The following NFYB variants were observed in gnomAD, a reference collection of about 807,000 sequenced individuals.
NFYB encodes the protein CAAT box DNA-binding protein subunit B.
A neutral mutation model predicts 28.0 loss-of-function variants in NFYB; 13 were observed. That is an observed-to-expected ratio of 0.46 (90% CI 0.30 to 0.74). The LOEUF is 0.74. Among genes scored for constraint, NFYB ranks in the 30% least tolerant of loss-of-function variants. The pLI is 0.07. For synonymous variants in NFYB, 74 were observed against 75.0 expected, an observed-to-expected ratio of 0.99 and a Z score of 0.07; for missense variants, 142 against 247.6, an observed-to-expected ratio of 0.57 and a Z score of 2.86.
At chr12:104,131,518 G>A in intron 2 of NFYB, 1 of 279,246 alleles carries the variant, frequency 3.6e-6, no homozygotes, top group South Asian at 3.0e-5. Flanking sequence ...CAAATGTTCT[G>A]TTCTTTAAAG....
intron 1 of NFYB, among the ~76,000 whole-genome samples, chr12:104,136,368 A>AG (rs2031100070): frequency 6.6e-6 from 1 of 152,242 alleles, no homozygotes; most frequent in Non-Finnish European, 1.5e-5. Flanking sequence ...TACGCATCCA[A>AG]GCATGAAATC....
At chr12:104,121,522 CAG>C (rs1369361708) in intron 5 of NFYB, among the ~76,000 whole-genome samples, 3 of 152,240 alleles carry the variant, frequency 2.0e-5, no homozygotes, top group Non-Finnish European at 4.4e-5. Flanking sequence ...ATTAACAAGA[CAG>C]AGTTAGTAAT....
chr12:104,133,644 C>T (rs532123025), intron 2 of NFYB, among the ~76,000 whole-genome samples: 1 of 152,128 alleles, frequency 6.6e-6, no homozygotes, highest in Non-Finnish European at 1.5e-5. Flanking sequence ...CTTAGTATTG[C>T]CCCCTCAAAT....
At chr12:104,126,541 C>A (rs1722416056) in intron 3 of NFYB, among the ~76,000 whole-genome samples, 1 of 152,172 alleles carries the variant, frequency 6.6e-6, no homozygotes, top group South Asian at 2.1e-4. Flanking sequence ...CAAAAATGAT[C>A]TTTTCTTTCA....
chr12:104,129,837 G>C (rs992986564), intron 2 of NFYB, among the ~76,000 whole-genome samples: 1 of 152,224 alleles, frequency 6.6e-6, no homozygotes, highest in Non-Finnish European at 1.5e-5. Context: ...AGTGAGCTGT[G>C]ATCACACCAC....
chr12:104,129,153 C>T (rs1276495561), intron 2 of NFYB, among the ~76,000 whole-genome samples: 2 of 152,164 alleles, frequency 1.3e-5, no homozygotes, highest in Non-Finnish European at 2.9e-5. Context: ...GACTTACAAC[C>T]TAATTTATCC....
intron 3 of NFYB, among the ~76,000 whole-genome samples, chr12:104,127,480 A>G (rs1361927517): frequency 1.3e-5 from 2 of 151,666 alleles, no homozygotes; most frequent in African/African-American, 2.4e-5. Context: ...AGGCAGGAGA[A>G]TTGCTTGAAC....
chr12:104,121,636 C>T (rs2030481435), intron 5 of NFYB, among the ~76,000 whole-genome samples: 1 of 152,134 alleles, frequency 6.6e-6, no homozygotes, highest in Non-Finnish European at 1.5e-5. Flanking sequence ...CTGCAAAACA[C>T]CACCAATATT....
chr12:104,121,160 G>A, intron 6 of NFYB, 80 bp downstream of exon 6: 1 of 1,162,304 alleles, frequency 8.6e-7, no homozygotes, highest in Non-Finnish European at 1.3e-6. Flanking sequence ...ACTCACTGCT[G>A]ACATTCCAAA....
intron 1 of NFYB, 46 bp downstream of exon 1, chr12:104,138,095 G>C (rs1197730736): frequency 1.4e-5 from 2 of 148,052 alleles, no homozygotes; most frequent in South Asian, 2.1e-4. Context: ...TCGAGCTAAA[G>C]TGGAGTCGGT....
intron 2 of NFYB, 26 bp from the exon 3 acceptor site, chr12:104,128,543 A>G (rs773976219): frequency 7.8e-6 from 12 of 1,533,232 alleles, no homozygotes; most frequent in Admixed American, 1.7e-5. Context: ...CAGTTTTTCA[A>G]TACTTTTCAA....
Position 104,121,236 on chromosome 12 carries a change from T to C in NFYB, c.511+4A>G. 1 of 1,607,324 alleles carries C rather than the reference T, an allele frequency of 6.2e-7. No homozygotes were observed. The highest frequency in any genetic ancestry group is 8.5e-7 in the Non-Finnish European group (1 of 1,175,338). ...TACATGACTTGTATTATAACAATGCTTACTAAATGCCTCCTCTGTAAGCTC... is the reference window on the plus strand; with the variant it reads ...TACATGACTTGTATTATAACAATGCCTACTAAATGCCTCCTCTGTAAGCTC... On this transcript the variant is annotated splice_donor_region_variant and intron_variant, in intron 6 of 7. Coordinates refer to ENST00000240055, the MANE Select transcript of NFYB (RefSeq NM_006166.4).
At chr12:104,137,987 G>A (rs2031184090) in intron 1 of NFYB, 154 bp downstream of exon 1, 1 of 145,676 alleles carries the variant, frequency 6.9e-6, no homozygotes, top group African/African-American at 2.5e-5. Flanking sequence ...CAGGCGCGGG[G>A]CCCGGCCTCG....
chr12:104,136,372 T>C (rs1484961807), intron 1 of NFYB, among the ~76,000 whole-genome samples: 1 of 152,178 alleles, frequency 6.6e-6, no homozygotes, highest in African/African-American at 2.4e-5. Context: ...CATCCAAGCA[T>C]GAAATCTAGC....
intron 4 of NFYB, among the ~76,000 whole-genome samples, chr12:104,125,861 A>AC (rs1321225164): frequency 1.4e-3 from 212 of 151,686 alleles, no homozygotes; most frequent in African/African-American, 5.1e-3. Flanking sequence ...AAAAAAAAAA[A>AC]AAAAAAAAAA....
chr12:104,117,091 A>G lies in NFYB; in HGVS notation c.*2646T>C, dbSNP rs1394392184. 6.6e-6 allele frequency: 1 copy of G among 152,186 alleles called. No individual in the cohort carries two copies. Among genetic ancestry groups the G allele is most frequent in the Non-Finnish European group, 1.5e-5 (1 of 68,034 alleles). 9.4% of individuals were successfully genotyped at this position (152,186 alleles called of 1,614,324 possible). A position where few individuals can be genotyped will look rare whatever the true frequency, so the allele number is the denominator to read the frequency against. Reference sequence around the variant, plus strand: ...AGAAAGCAATGTTTACAAAATTATAAAAAACATTTTTATGATAGGTTAACA... The same window carrying G: ...AGAAAGCAATGTTTACAAAATTATAGAAAACATTTTTATGATAGGTTAACA... On this transcript the variant is annotated 3_prime_UTR_variant, in exon 8 of 8. Coordinates refer to ENST00000240055, the MANE Select transcript of NFYB (RefSeq NM_006166.4).
At chr12:104,135,383 A>T (rs1195198147) in intron 2 of NFYB, 65 bp downstream of exon 2, 1 of 1,456,626 alleles carries the variant, frequency 6.9e-7, no homozygotes, top group Non-Finnish European at 9.3e-7. Context: ...AATTGGTTAC[A>T]ATTTTATTTC....
At chr12:104,124,646 C>A (rs2030613284) in intron 4 of NFYB, among the ~76,000 whole-genome samples, 1 of 152,138 alleles carries the variant, frequency 6.6e-6, no homozygotes, top group Non-Finnish European at 1.5e-5. Flanking sequence ...AACATAGAAT[C>A]AATTTTTAAA....
At chr12:104,120,596 G>A in intron 6 of NFYB, 117 bp from the exon 7 acceptor site, 1 of 683,538 alleles carries the variant, frequency 1.5e-6, no homozygotes, top group South Asian at 1.8e-5. Context: ...CAATGATGTA[G>A]TCTTGGACAA....
Sources: allele counts gnomAD v4.1 joint callset (sites outside exome capture counted in the v4.1 genomes callset), GRCh38; gene constraint gnomAD v4.1.1; transcripts MANE v1.5; gene names NCBI Gene and HGNC (gene_info 2026-07-23, HGNC 2026-07-21).